CTNNA1: variants seen among roughly 807,000 people sequenced by gnomAD.
The protein encoded by CTNNA1 is catenin alpha 1.
In CTNNA1, 37 loss-of-function variants were observed where a neutral mutation model predicts 98.4. That is an observed-to-expected ratio of 0.38 (90% confidence interval 0.29 to 0.49). The LOEUF (loss-of-function observed/expected upper bound fraction) is 0.49, where lower values mean the gene tolerates loss of function less well. Ranked by LOEUF, CTNNA1 falls within the 20% of genes least tolerant of loss-of-function variation. The pLI is 0.95. For missense variants in CTNNA1, 761 were observed against 1,147.2 expected (o/e 0.66, Z 4.86); for synonymous variants, 404 against 413.2 (o/e 0.98, Z 0.27).
At chr5:138,868,000 C>T (rs1764959921) in intron 7 of CTNNA1, among the ~76,000 whole-genome samples, 1 of 152,176 alleles carries the variant, frequency 6.6e-6, no homozygotes, top group South Asian at 2.1e-4. Flanking sequence ...GATCCACCCA[C>T]CTCAGCCTCC....
chr5:138,875,159 T>C (rs1751215294), intron 7 of CTNNA1: 4 of 426,830 alleles, frequency 9.4e-6, no homozygotes, highest in Non-Finnish European at 1.6e-5. Context: ...AGTTATTAAA[T>C]TTCTCCACCT....
chr5:138,804,892 A>G (rs1400748570), intron 3 of CTNNA1, among the ~76,000 whole-genome samples: 1 of 152,238 alleles, frequency 6.6e-6, no homozygotes, highest in Non-Finnish European at 1.5e-5. Flanking sequence ...CTATAAAGAA[A>G]TACCTGAAAC....
chr5:138,828,792 C>T (rs1760975634), intron 7 of CTNNA1, among the ~76,000 whole-genome samples: 1 of 152,184 alleles, frequency 6.6e-6, no homozygotes, highest in South Asian at 2.1e-4. Context: ...CTTGTCTCTA[C>T]CATACTGTGA....
intron 7 of CTNNA1, among the ~76,000 whole-genome samples, chr5:138,884,616 A>G (rs745970032): frequency 5.9e-5 from 9 of 152,202 alleles, no homozygotes; most frequent in African/African-American, 1.4e-4. Flanking sequence ...GGAATTTGGT[A>G]TCTTATTGCT....
chr5:138,875,749 T>C, intron 7 of CTNNA1: 1 of 983,186 alleles, frequency 1.0e-6, no homozygotes, highest in Non-Finnish European at 1.2e-6. Context: ...GTAGTGTCGC[T>C]GCACTGGTAG....
intron 3 of CTNNA1, among the ~76,000 whole-genome samples, chr5:138,790,308 C>T (rs1756214857): frequency 6.6e-6 from 1 of 152,202 alleles, no homozygotes; most frequent in Non-Finnish European, 1.5e-5. Context: ...TTTCCTGTGA[C>T]TTGAGGCATT....
chr5:138,815,434 A>G (rs532083670), intron 5 of CTNNA1, among the ~76,000 whole-genome samples: 1 of 152,186 alleles, frequency 6.6e-6, no homozygotes, highest in African/African-American at 2.4e-5. Flanking sequence ...GAGCACCAGC[A>G]GGAGGTCAAA....
intron 7 of CTNNA1, among the ~76,000 whole-genome samples, chr5:138,848,296 A>G (rs1232020937): frequency 6.6e-6 from 1 of 152,388 alleles, no homozygotes; most frequent in East Asian, 1.9e-4. Context: ...GAAAAGAGTC[A>G]TGTAAGGCAC....
chr5:138,820,693 T>G (rs1330916494), intron 5 of CTNNA1, among the ~76,000 whole-genome samples: 1 of 151,798 alleles, frequency 6.6e-6, no homozygotes, highest in Middle Eastern at 3.2e-3. Flanking sequence ...GCACTCTATC[T>G]CAATTATTTT....
rs530957689 is a variant in CTNNA1 at position 138,934,746 on chromosome 5, T to C, written c.*657T>C. 6.6e-6 allele frequency: 1 copy of C among 152,652 alleles called. No individual in the cohort carries two copies. The highest frequency in any genetic ancestry group is 1.5e-5 in the Non-Finnish European group (1 of 68,060). The allele number at this position is 152,652 out of a possible 1,614,324, so 9.5% of individuals were successfully genotyped here. A position where few individuals can be genotyped will look rare whatever the true frequency, so the allele number is the denominator to read the frequency against. On this transcript the variant is annotated 3_prime_UTR_variant, in exon 18 of 18. Transcript: ENST00000302763. ...CGATGCCATAATCAGAACACACTTTTTTTCCTCTTTCTCCCAGCTTCAAAT... is the reference window on the plus strand; with the variant it reads ...CGATGCCATAATCAGAACACACTTTCTTTCCTCTTTCTCCCAGCTTCAAAT...
chr5:138,892,569 C>G (rs1755698531), intron 9 of CTNNA1, among the ~76,000 whole-genome samples: 1 of 151,510 alleles, frequency 6.6e-6, no homozygotes, highest in African/African-American at 2.4e-5. Flanking sequence ...AACTCCCAAT[C>G]TTGATCAAGT....
intron 5 of CTNNA1, among the ~76,000 whole-genome samples, chr5:138,814,752 G>GT (rs895165120): frequency 6.3e-4 from 95 of 150,024 alleles, no homozygotes; most frequent in African/African-American, 1.4e-3. Context: ...AAATAGATGG[G>GT]TTTTTTTTTG....
intron 7 of CTNNA1, among the ~76,000 whole-genome samples, chr5:138,849,559 A>G (rs1763009860): frequency 6.6e-6 from 1 of 152,204 alleles, no homozygotes; most frequent in Non-Finnish European, 1.5e-5. Context: ...CTTATTAGGA[A>G]AATCTTTATA....
At chr5:138,863,212 T>C (rs529047672) in intron 7 of CTNNA1, among the ~76,000 whole-genome samples, 7 of 151,918 alleles carry the variant, frequency 4.6e-5, no homozygotes, top group Admixed American at 1.3e-4. Flanking sequence ...GGCTAATGAT[T>C]GCTTCATCTT....
chr5:138,802,020 A>G (rs1376488543), intron 3 of CTNNA1, among the ~76,000 whole-genome samples: 2 of 152,226 alleles, frequency 1.3e-5, no homozygotes, highest in African/African-American at 2.4e-5. Flanking sequence ...TCTTGAAGAT[A>G]TTCATGACAA....
At chr5:138,803,882 T>G (rs1757825583) in intron 3 of CTNNA1, among the ~76,000 whole-genome samples, 1 of 152,188 alleles carries the variant, frequency 6.6e-6, no homozygotes. Context: ...CCTGGCCTGG[T>G]TGGTTAATTT....
intron 10 of CTNNA1, chr5:138,904,653 C>A: frequency 3.3e-6 from 2 of 597,444 alleles, no homozygotes; most frequent in South Asian, 3.2e-5. Context: ...TACTCCTGGC[C>A]CTTCATTGAA....
intron 10 of CTNNA1, among the ~76,000 whole-genome samples, chr5:138,914,697 A>AT (rs1250911621): frequency 2.6e-5 from 4 of 151,978 alleles, no homozygotes; most frequent in African/African-American, 9.7e-5. Flanking sequence ...ACATTCTTGA[A>AT]TACCCCTCCA....
At position 138,909,363 on chromosome 5, in the gene CTNNA1, C is replaced by CT. The variant is rs1160009869; in HGVS notation, c.1389+4933dup. ...TTTTTTTCTTTCCTCCCCCCCCACC[C>CT]TTTTTTTTTTTAAGAGACAGGTTTT... On this transcript the variant is annotated intron_variant, in intron 10 of 17. Transcript: ENST00000302763. Among the ~76,000 whole-genome samples, 382 of 144,576 alleles carry CT rather than the reference C, an allele frequency of 2.6e-3. 1 individual carries two copies. Among genetic ancestry groups the CT allele is most frequent in the Admixed American group, 0.011 (152 of 14,352 alleles). 94.8% of individuals were successfully genotyped at this position (144,576 alleles called of 152,430 possible).
Sources: gnomAD v4.1 joint callset for allele counts (sites outside exome capture counted in the v4.1 genomes callset) on GRCh38, gnomAD v4.1.1 for gene constraint, MANE v1.5 for transcripts, NCBI Gene and HGNC (gene_info 2026-07-23, HGNC 2026-07-21) for gene names.